TGFBR3: variants seen among roughly 807,000 people sequenced by gnomAD.
TGFBR3 encodes the protein transforming growth factor beta receptor type 3.
In TGFBR3, 46 loss-of-function variants were observed where a neutral mutation model predicts 87.9. That is an observed-to-expected ratio of 0.52 (90% CI 0.41 to 0.67). TGFBR3 has a LOEUF of 0.67. Ranked by LOEUF, TGFBR3 falls within the 30% of genes least tolerant of loss-of-function variation. TGFBR3 has a pLI of 0.00. For missense variants in TGFBR3, 866 were observed against 1,041.9 expected (o/e 0.83, Z 2.32); for synonymous variants, 381 against 391.6 (o/e 0.97, Z 0.32).
At chr1:91,753,954 C>A (rs1377371076) in intron 4 of TGFBR3, among the ~76,000 whole-genome samples, 1 of 152,204 alleles carries the variant, frequency 6.6e-6, no homozygotes, top group Non-Finnish European at 1.5e-5. Context: ...CAGTTTTCCA[C>A]AGAACCATTT....
At chr1:91,703,082 TA>T (rs1003283214) in intron 14 of TGFBR3, among the ~76,000 whole-genome samples, 93 of 148,448 alleles carry the variant, frequency 6.3e-4, no homozygotes, top group Middle Eastern at 3.5e-3. Flanking sequence ...TACACGATGT[TA>T]AAAAAAAAAA....
At chr1:91,806,476 G>A (rs11431794) in intron 2 of TGFBR3, among the ~76,000 whole-genome samples, 37,237 of 125,650 alleles carry the variant, frequency 0.3, 5,650 homozygotes, top group South Asian at 0.39. Flanking sequence ...AAATACTGGC[G>A]GGGGGGGTAA....
chr1:91,905,478 G>C (rs1013009608), intron 1 of TGFBR3, among the ~76,000 whole-genome samples: 1 of 152,132 alleles, frequency 6.6e-6, no homozygotes, highest in Non-Finnish European at 1.5e-5. Context: ...TGTTGCCCAG[G>C]CTGAAGTGCA....
intron 1 of TGFBR3, among the ~76,000 whole-genome samples, chr1:91,883,204 C>G (rs971420539): frequency 1.3e-5 from 2 of 152,154 alleles, no homozygotes; most frequent in Non-Finnish European, 2.9e-5. Flanking sequence ...GGGGGTCTCA[C>G]TATGTTACCC....
intron 12 of TGFBR3, among the ~76,000 whole-genome samples, chr1:91,715,875 T>C (rs1196435422): frequency 1.3e-5 from 2 of 151,948 alleles, no homozygotes; most frequent in African/African-American, 4.8e-5. Flanking sequence ...AAATAAAAGA[T>C]AACATATGAG....
chr1:91,873,949 CAAA>C (rs769246405), intron 1 of TGFBR3, among the ~76,000 whole-genome samples: 6 of 104,978 alleles, frequency 5.7e-5, no homozygotes, highest in Admixed American at 1.0e-4. Context: ...GACCCTGCCA[CAAA>C]AAAAAAAAAA....
At chr1:91,729,590 G>A (rs1387391677) in intron 6 of TGFBR3, among the ~76,000 whole-genome samples, 1 of 152,140 alleles carries the variant, frequency 6.6e-6, no homozygotes, top group East Asian at 1.9e-4. Flanking sequence ...TACCACTGGT[G>A]CCTTTACTCT....
chr1:91,797,845 C>T, intron 2 of TGFBR3, among the ~76,000 whole-genome samples: 1 of 152,098 alleles, frequency 6.6e-6, no homozygotes, highest in East Asian at 1.9e-4. Flanking sequence ...TATTAAATAC[C>T]TAAAATTGCA....
intron 16 of TGFBR3, among the ~76,000 whole-genome samples, chr1:91,693,338 GCATCA>G (rs1024330956): frequency 6.6e-6 from 1 of 152,208 alleles, no homozygotes; most frequent in Admixed American, 6.5e-5. Context: ...TTGCTGGAAA[GCATCA>G]CAGGAGGGAG....
At chr1:91,847,140 G>A (rs1677533320) in intron 2 of TGFBR3, among the ~76,000 whole-genome samples, 1 of 152,122 alleles carries the variant, frequency 6.6e-6, no homozygotes, top group Non-Finnish European at 1.5e-5. Flanking sequence ...ATAAAAGTTA[G>A]TTTAAAACAC....
chr1:91,893,817 T>TTTCC (rs1334834353), intron 2 of TGFBR3, among the ~76,000 whole-genome samples: 1 of 151,936 alleles, frequency 6.6e-6, no homozygotes, highest in Non-Finnish European at 1.5e-5. Flanking sequence ...AATGTTTCTC[T>TTTCC]TCAAAAAGCG....
At chr1:91,801,857 G>T (rs1675640921) in intron 2 of TGFBR3, among the ~76,000 whole-genome samples, 1 of 152,050 alleles carries the variant, frequency 6.6e-6, no homozygotes, top group African/African-American at 2.4e-5. Flanking sequence ...CCCCACAAAA[G>T]GTACACATCC....
chr1:91,872,579 A>G (rs1050955212), intron 1 of TGFBR3, among the ~76,000 whole-genome samples: 1 of 152,232 alleles, frequency 6.6e-6, no homozygotes, highest in African/African-American at 2.4e-5. Flanking sequence ...CCCCCAAGCA[A>G]GGCAGCTCTG....
intron 3 of TGFBR3, among the ~76,000 whole-genome samples, chr1:91,779,509 T>TA (rs1348066058): frequency 6.6e-6 from 1 of 152,086 alleles, no homozygotes; most frequent in Non-Finnish European, 1.5e-5. Flanking sequence ...GCCTCTCAAG[T>TA]AAAAATGTGA....
chr1:91,710,262 C>A (rs1248232310), intron 13 of TGFBR3, among the ~76,000 whole-genome samples: 1 of 152,148 alleles, frequency 6.6e-6, no homozygotes, highest in East Asian at 1.9e-4. Flanking sequence ...CCTCACTGCC[C>A]TACTCTTACC....
intron 14 of TGFBR3, among the ~76,000 whole-genome samples, chr1:91,701,002 C>T (rs756272930): frequency 3.3e-5 from 5 of 152,098 alleles, no homozygotes; most frequent in Non-Finnish European, 7.3e-5. Context: ...ATCAACCACC[C>T]ATGGTTAAAC....
intron 2 of TGFBR3, among the ~76,000 whole-genome samples, chr1:91,855,408 T>C (rs571056194): frequency 5.3e-5 from 8 of 152,324 alleles, no homozygotes; most frequent in Non-Finnish European, 1.0e-4. Context: ...TAAAACTGAT[T>C]TCCCTGAATT....
intron 1 of TGFBR3, among the ~76,000 whole-genome samples, chr1:91,875,126 G>A (rs573312210): frequency 6.6e-6 from 1 of 152,200 alleles, no homozygotes; most frequent in South Asian, 2.1e-4. Context: ...TACACACCTA[G>A]AATACCAAGA....
chr1:91,802,631 G>A (rs1394632114), intron 2 of TGFBR3, among the ~76,000 whole-genome samples: 1 of 152,100 alleles, frequency 6.6e-6, no homozygotes, highest in Admixed American at 6.5e-5. Flanking sequence ...GAAGTGCTGG[G>A]ATTACAGGCG....
Sources: gnomAD v4.1 joint callset for allele counts (sites outside exome capture counted in the v4.1 genomes callset) on GRCh38, gnomAD v4.1.1 for gene constraint, MANE v1.5 for transcripts, NCBI Gene and HGNC (gene_info 2026-07-23, HGNC 2026-07-21) for gene names.